The following PRKG1 variants were observed in gnomAD, a reference collection of about 807,000 sequenced individuals.
PRKG1 encodes the protein protein kinase cGMP-dependent 1.
PRKG1 carries 35 observed loss-of-function variants against 88.1 expected under a neutral mutation model. The observed-to-expected ratio is 0.40, with a 90% confidence interval of 0.30 to 0.53. The LOEUF (loss-of-function observed/expected upper bound fraction) is 0.53. PRKG1 is among the 20% of genes least tolerant of loss of function. PRKG1 has a pLI of 0.59. For synonymous variants in PRKG1, 303 were observed against 292.5 expected (o/e 1.04, Z -0.37); for missense variants, 540 against 839.8 (o/e 0.64, Z 4.41).
At chr10:51,312,095 C>A (rs928012931) in intron 2 of PRKG1, among the ~76,000 whole-genome samples, 2 of 152,140 alleles carry the variant, frequency 1.3e-5, no homozygotes, top group Admixed American at 6.6e-5. Flanking sequence ...TGGTCTCGAA[C>A]TCCTGACCTC....
chr10:52,001,726 T>C (rs1376281609), intron 5 of PRKG1, among the ~76,000 whole-genome samples: 3 of 152,046 alleles, frequency 2.0e-5, no homozygotes, highest in Non-Finnish European at 2.9e-5. Flanking sequence ...AAATAACCTC[T>C]ACCACCATTG....
chr10:51,422,254 G>A (rs141768586), intron 2 of PRKG1, among the ~76,000 whole-genome samples: 397 of 152,284 alleles, frequency 2.6e-3, no homozygotes, highest in African/African-American at 9.3e-3. Context: ...AAGTGTTCTG[G>A]TTTGGTTAAG....
intron 3 of PRKG1, among the ~76,000 whole-genome samples, chr10:51,541,241 C>G (rs182792518): frequency 3.4e-4 from 51 of 152,090 alleles, no homozygotes; most frequent in African/African-American, 1.2e-3. Context: ...CAACAGGGTT[C>G]GCGCTCCTAT....
chr10:51,533,886 G>T (rs575658440), intron 3 of PRKG1, among the ~76,000 whole-genome samples: 1 of 152,270 alleles, frequency 6.6e-6, no homozygotes, highest in East Asian at 1.9e-4. Context: ...TACAAGAATT[G>T]CCAATTTTAT....
At position 52,075,798 on chromosome 10, in the gene PRKG1, G is replaced by A. The variant is rs553262131; in HGVS notation, c.935+13167G>A. Among the ~76,000 whole-genome samples, 16 of 152,148 alleles carry A rather than the reference G, an allele frequency of 1.1e-4. No individual in the cohort carries two copies. In the East Asian group the frequency reaches 1.2e-3, roughly 11 times the overall value. On this transcript the variant is annotated intron_variant, in intron 7 of 17. Transcript: ENST00000373980. ...CTTCTGGCTTTGTGCTCTCATAGCC[G>A]TTCCTCAGTGAATTCATGTAGAGAG... is the stretch of plus-strand genomic sequence containing the variant.
intron 2 of PRKG1, among the ~76,000 whole-genome samples, chr10:51,343,850 G>A (rs1392082535): frequency 6.6e-6 from 1 of 152,076 alleles, no homozygotes; most frequent in Non-Finnish European, 1.5e-5. Context: ...CACCAGTAAT[G>A]TGCCCCTCAT....
chr10:51,624,490 C>T (rs1839285758), intron 3 of PRKG1, among the ~76,000 whole-genome samples: 1 of 152,172 alleles, frequency 6.6e-6, no homozygotes, highest in Non-Finnish European at 1.5e-5. Context: ...GCTCAGTGTT[C>T]AATTCTTCTT....
At chr10:52,162,088 A>G in intron 9 of PRKG1, 125 bp downstream of exon 9, 4 of 785,042 alleles carry the variant, frequency 5.1e-6, no homozygotes, top group Non-Finnish European at 8.1e-6. Context: ...TTGAGAGACA[A>G]AGAAGCAAAC....
intron 1 of PRKG1, among the ~76,000 whole-genome samples, chr10:51,117,036 T>C (rs547671793): frequency 7.2e-5 from 11 of 152,272 alleles, no homozygotes; most frequent in African/African-American, 2.4e-4. Context: ...ACATTTTTAG[T>C]TAACCTGTAC....
At chr10:51,896,395 A>G (rs923879125) in intron 4 of PRKG1, among the ~76,000 whole-genome samples, 2 of 151,956 alleles carry the variant, frequency 1.3e-5, no homozygotes, top group Admixed American at 6.6e-5. Context: ...GCAGAAGGTG[A>G]TATCATCTTA....
At chr10:51,304,486 T>A (rs927089854) in intron 2 of PRKG1, among the ~76,000 whole-genome samples, 2 of 152,074 alleles carry the variant, frequency 1.3e-5, no homozygotes, top group Non-Finnish European at 2.9e-5. Flanking sequence ...TATTTTTTTA[T>A]TTTATTATTA....
rs111722741 is a variant in PRKG1 at position 51,198,356 on chromosome 10, G to A, written c.478+45026G>A. On this transcript the variant is annotated intron_variant, in intron 2 of 17. Transcript: ENST00000373980. ...TCATATTATAGCACTAGTGGTCTAAGGGAAGATATTTGGACTGCATTGTGT... is the reference window on the plus strand; with the variant it reads ...TCATATTATAGCACTAGTGGTCTAAAGGAAGATATTTGGACTGCATTGTGT... 1.8e-3 allele frequency among the ~76,000 whole-genome samples: 271 copies of A among 152,254 alleles called. 1 individual carries two copies. Among genetic ancestry groups the A allele is most frequent in the African/African-American group, 5.9e-3 (247 of 41,556 alleles).
intron 2 of PRKG1, among the ~76,000 whole-genome samples, chr10:51,278,494 T>G (rs1235647932): frequency 6.6e-6 from 1 of 152,210 alleles, no homozygotes; most frequent in Admixed American, 6.5e-5. Flanking sequence ...GGATTCCCTC[T>G]TTTTCTATTG....
intron 2 of PRKG1, among the ~76,000 whole-genome samples, chr10:51,220,134 A>G (rs930996162): frequency 2.6e-5 from 4 of 152,172 alleles, no homozygotes; most frequent in African/African-American, 9.7e-5. Context: ...TCAGGGAACA[A>G]TACAAGAAGA....
At chr10:51,866,189 T>G (rs2132846756) in intron 4 of PRKG1, among the ~76,000 whole-genome samples, 1 of 152,194 alleles carries the variant, frequency 6.6e-6, no homozygotes, top group South Asian at 2.1e-4. Flanking sequence ...TATAAAAATT[T>G]GTGTAATAAA....
intron 3 of PRKG1, among the ~76,000 whole-genome samples, chr10:51,582,181 T>C (rs78724612): frequency 0.018 from 2,757 of 152,210 alleles, 34 homozygotes; most frequent in Middle Eastern, 0.068. Flanking sequence ...AATAAATGAG[T>C]AAAAAACAAT....
intron 8 of PRKG1, among the ~76,000 whole-genome samples, chr10:52,139,500 A>C (rs1232850273): frequency 6.6e-6 from 1 of 152,068 alleles, no homozygotes; most frequent in Non-Finnish European, 1.5e-5. Context: ...TCAGATATTC[A>C]ACTCCAAGTT....
chr10:51,198,180 C>A (rs1837820350), intron 2 of PRKG1, among the ~76,000 whole-genome samples: 1 of 152,074 alleles, frequency 6.6e-6, no homozygotes, highest in Non-Finnish European at 1.5e-5. Context: ...GGTATTAGAT[C>A]TTATTTATAT....
chr10:51,746,610 C>A lies in PRKG1; in HGVS notation c.593-57975C>A, dbSNP rs140897349. 6.8e-3 allele frequency among the ~76,000 whole-genome samples: 1,038 copies of A among 151,972 alleles called. 20 individuals carry two copies. The highest frequency in any genetic ancestry group is 0.024 in the African/African-American group (984 of 41,426). On this transcript the variant is annotated intron_variant, in intron 3 of 17. Transcript: ENST00000373980. ...TCATGGTGGGTGCCTGTAGTCCCAG[C>A]TATTTGGGAGACTGAGGCAGGAGAA...
Sources: allele counts gnomAD v4.1 joint callset (sites outside exome capture counted in the v4.1 genomes callset), GRCh38; gene constraint gnomAD v4.1.1; transcripts MANE v1.5; gene names NCBI Gene and HGNC (gene_info 2026-07-23, HGNC 2026-07-21).